Variants in MON1B observed in about 807,000 individuals in gnomAD.
MON1B encodes the protein MON1 vesicular trafficking associated B.
Under a neutral mutation model 45.1 loss-of-function variants are expected in MON1B, and 26 were observed. That is an observed-to-expected ratio of 0.58 (90% CI 0.42 to 0.80). MON1B has a LOEUF of 0.80. Among genes scored for constraint, MON1B ranks in the 30% least tolerant of loss-of-function variants. The pLI is 0.00. For synonymous variants in MON1B, 395 were observed against 320.2 expected (o/e 1.23, Z -2.49); for missense variants, 737 against 754.5 (o/e 0.98, Z 0.27).
chr16:77,191,693 G>C (rs1429071184), intron 2 of MON1B, 60 bp downstream of exon 2: 5 of 1,553,176 alleles, frequency 3.2e-6, no homozygotes, highest in Non-Finnish European at 4.4e-6. Context: ...TTGTTGGACG[G>C]GGGAAGGGTC....
Position 77,200,291 on chromosome 16 carries a change from T to TATATATATATATACACAC in MON1B, c.*1984_*1985insTATATATATATACACACA. 3.6e-5 allele frequency: 4 copies of TATATATATATATACACAC among 111,428 alleles called. No individual in the cohort carries two copies. Among genetic ancestry groups the TATATATATATATACACAC allele is most frequent in the African/African-American group, 1.3e-4 (4 of 29,726 alleles). The allele number at this position is 111,428 out of a possible 1,614,324, so 6.9% of individuals were successfully genotyped here. ...ATATATGTGTATATATATATATATA[T>TATATATATATATACACAC]ACACACACTAATCAGCCGGGCGCGG... On this transcript the variant is annotated 3_prime_UTR_variant, in exon 6 of 6. Transcript: ENST00000248248.
Position 77,199,329 on chromosome 16 carries a change from T to C in MON1B, c.*1021T>C. On this transcript the variant is annotated 3_prime_UTR_variant, in exon 6 of 6. Transcript: ENST00000248248. ...TCTGCGCCTGCCCAGAGCTGACTCC[T>C]GATTTAACCGCTGGCGTAACCGCGG... 1.1e-6 allele frequency: 1 copy of C among 931,992 alleles called. No individual in the cohort carries two copies. The highest frequency in any genetic ancestry group is 1.6e-6 in the Non-Finnish European group (1 of 609,296). 57.7% of individuals were successfully genotyped at this position (931,992 alleles called of 1,614,324 possible). A position where few individuals can be genotyped will look rare whatever the true frequency, so the allele number is the denominator to read the frequency against.
In MON1B at chr16:77,194,202, G is replaced by A. The variant is rs553417325; in HGVS notation, c.476-133G>A. On this transcript the variant is annotated intron_variant, in intron 3 of 5. Transcript: ENST00000248248. The surrounding 1 kb of genome is among the most constrained non-coding windows in gnomAD (Gnocchi z 8.1). ...TCCAGCTTGTCCTTACCCCAGTCCA[G>A]GTGCCCACAGAGTGAGCATGTGGAC... 448 of 815,986 alleles carry A rather than the reference G, an allele frequency of 5.5e-4. No homozygotes were observed. The highest frequency in any genetic ancestry group is 8.3e-4 in the Non-Finnish European group (394 of 475,954). The allele number at this position is 815,986 out of a possible 1,614,324, so 50.5% of individuals were successfully genotyped here.
chr16:77,197,535 T>A (rs1213264368), intron 5 of MON1B, among the ~76,000 whole-genome samples: 1 of 151,624 alleles, frequency 6.6e-6, no homozygotes, highest in Non-Finnish European at 1.5e-5. Context: ...GGAGGAAGAG[T>A]ACACCTGGCA....
intron 5 of MON1B, among the ~76,000 whole-genome samples, chr16:77,197,739 A>G (rs975144296): frequency 6.6e-6 from 1 of 152,170 alleles, no homozygotes; most frequent in Admixed American, 6.5e-5. Context: ...GTTCCTCTTT[A>G]TATTATTCCC....
intron 5 of MON1B, among the ~76,000 whole-genome samples, chr16:77,196,748 C>T (rs571885848): frequency 5.2e-4 from 79 of 152,304 alleles, no homozygotes; most frequent in African/African-American, 1.7e-3. Context: ...TGCACTCCAG[C>T]CTGGGCGACA....
rs2054689438 is a variant in MON1B, at chr16:77,198,365, T to C, written c.*57T>C. 6 of 1,539,876 alleles carry C rather than the reference T, an allele frequency of 3.9e-6. No homozygotes were observed. The highest frequency in any genetic ancestry group is 5.4e-6 in the Non-Finnish European group (6 of 1,113,864). On this transcript the variant is annotated 3_prime_UTR_variant, in exon 6 of 6. Transcript: ENST00000248248. The stretch of plus-strand genomic sequence containing the variant: ...GAGCAACCACCTTTGTTTTTTACCT[T>C]CTGTCTACCCTGGAAATGTGTGTGG...
In MON1B at chr16:77,201,843, A is replaced by T. The variant is rs181193867; in HGVS notation, c.*3535A>T. 6.6e-6 allele frequency: 1 copy of T among 152,340 alleles called. No individual in the cohort carries two copies. The highest frequency in any genetic ancestry group is 1.9e-4 in the East Asian group (1 of 5,182). The allele number at this position is 152,340 out of a possible 1,614,324, so 9.4% of individuals were successfully genotyped here. A position where few individuals can be genotyped will look rare whatever the true frequency, so the allele number is the denominator to read the frequency against. On this transcript the variant is annotated 3_prime_UTR_variant, in exon 6 of 6. Transcript: ENST00000248248. Reference sequence around the variant, plus strand: ...AATTAAATTATAAGTTGATAGGATTATTATTGACACACAAGGAGCTCCAAA... The same window carrying T: ...AATTAAATTATAAGTTGATAGGATTTTTATTGACACACAAGGAGCTCCAAA...
Position 77,198,635 on chromosome 16 carries a change from C to T in MON1B, c.*327C>T, listed in dbSNP as rs1035597542. The T allele has an allele frequency of 5.2e-5, 19 of 363,172 alleles. No individual in the cohort carries two copies. The highest frequency in any genetic ancestry group is 9.8e-5 in the Non-Finnish European group (19 of 192,918). 22.5% of individuals were successfully genotyped at this position (363,172 alleles called of 1,614,324 possible). A position where few individuals can be genotyped will look rare whatever the true frequency, so the allele number is the denominator to read the frequency against. On this transcript the variant is annotated 3_prime_UTR_variant, in exon 6 of 6. Transcript: ENST00000248248. ...CTCCAAACTTGCTTCCGTGGTCTGC[C>T]TCCTAGTTGAATCTCAGCCCTGAGT...
Position 77,193,796 on chromosome 16 carries a change from G to C in MON1B, c.475+19G>C, listed in dbSNP as rs755480847. On this transcript the variant is annotated intron_variant, in intron 3 of 5. Transcript: ENST00000248248. This position sits in a 1 kb window ranked among gnomAD's most constrained non-coding sequence, Gnocchi z 5.0. ...TACGCTGGTGAGCAAACAGGTGGGAGGCAGAATGGGGGACAGTGACTGGGA... is the reference window on the plus strand; with the variant it reads ...TACGCTGGTGAGCAAACAGGTGGGACGCAGAATGGGGGACAGTGACTGGGA... 2.5e-6 allele frequency: 4 copies of C among 1,594,256 alleles called. 1 individual carries two copies. The highest frequency in any genetic ancestry group is 1.7e-5 in the Admixed American group (1 of 59,364).
At position 77,193,052 on chromosome 16, in the gene MON1B, T is replaced by A. The variant is rs752938212; in HGVS notation, c.149-399T>A. On this transcript the variant is annotated intron_variant, in intron 2 of 5. Transcript: ENST00000248248. The surrounding 1 kb of genome is among the most constrained non-coding windows in gnomAD (Gnocchi z 5.0). ...TAATGGTGGCCATTGGGTGAGCAGA[T>A]ATCAGGAGAAAAAATAGCGGTCAGA... is the stretch of plus-strand genomic sequence containing the variant. 3.3e-5 allele frequency among the ~76,000 whole-genome samples: 5 copies of A among 151,870 alleles called. No individual in the cohort carries two copies. Among genetic ancestry groups the A allele is most frequent in the Admixed American group, 6.5e-5 (1 of 15,268 alleles).
chr16:77,198,497 C>G lies in MON1B; in HGVS notation c.*189C>G. On this transcript the variant is annotated 3_prime_UTR_variant, in exon 6 of 6. Coordinates refer to ENST00000248248, the MANE Select transcript of MON1B (RefSeq NM_014940.4). ...CCGCCAGGCGAGCAGGCTGCTTTCCCTGCCCAGTCATGCACCTCCCCCTCT... is the reference window on the plus strand; with the variant it reads ...CCGCCAGGCGAGCAGGCTGCTTTCCGTGCCCAGTCATGCACCTCCCCCTCT... 3.1e-6 allele frequency: 2 copies of G among 641,342 alleles called. No homozygotes were observed. The highest frequency in any genetic ancestry group is 5.4e-6 in the Non-Finnish European group (2 of 371,938). The allele number at this position is 641,342 out of a possible 1,614,324, so 39.7% of individuals were successfully genotyped here.
Position 77,193,340 on chromosome 16 carries a change from C to A in MON1B, c.149-111C>A, listed in dbSNP as rs545762004. 2.9e-5 allele frequency: 31 copies of A among 1,056,174 alleles called. No individual in the cohort carries two copies. In the South Asian group the frequency reaches 4.9e-4, roughly 17 times the overall value. 65.4% of individuals were successfully genotyped at this position (1,056,174 alleles called of 1,614,324 possible). A position where few individuals can be genotyped will look rare whatever the true frequency, so the allele number is the denominator to read the frequency against. On this transcript the variant is annotated intron_variant, in intron 2 of 5. Transcript: ENST00000248248. This position sits in a 1 kb window ranked among gnomAD's most constrained non-coding sequence, Gnocchi z 5.0. ...GGCATAGGAGACACTTGGAGTTCTG[C>A]GTCAGCATGCAGGGGTCATGGAGGG...
intron 5 of MON1B, among the ~76,000 whole-genome samples, chr16:77,197,473 G>C (rs922709438): frequency 6.6e-5 from 10 of 152,180 alleles, no homozygotes; most frequent in Non-Finnish European, 1.2e-4. Context: ...TGGCCTCCCT[G>C]AGCAGATGGC....
chr16:77,194,983 A>G lies in MON1B; in HGVS notation c.1124A>G (p.His375Arg). The G allele has an allele frequency of 1.2e-6, 2 of 1,613,912 alleles. No homozygotes were observed. Among genetic ancestry groups the G allele is most frequent in the African/African-American group, 1.3e-5 (1 of 75,070 alleles). Reference protein sequence around the residue: ...ACRRLVEDGMHALGAMRALGE... With the variant: ...ACRRLVEDGMRALGAMRALGE... ...CGGCGCCTGGTTGAAGATGGGATGCATGCCCTTGGTGCCATGCGTGCCCTT... is the reference window on the plus strand; with the variant it reads ...CGGCGCCTGGTTGAAGATGGGATGCGTGCCCTTGGTGCCATGCGTGCCCTT... The change falls in exon 4 of 6, where the codon CAT becomes CGT. Residue 375 changes from histidine to arginine, a missense_variant. Physicochemically the swap from His to Arg is conservative, Grantham distance 29 (BLOSUM62 0). Coordinates refer to ENST00000248248, the MANE Select transcript of MON1B (RefSeq NM_014940.4). The surrounding 1 kb of genome is among the most constrained non-coding windows in gnomAD (Gnocchi z 8.1).
rs1052890723 is a variant in MON1B at position 77,198,252 on chromosome 16, C to T, written c.1588C>T (p.Pro530Ser). 1.9e-6 allele frequency: 3 copies of T among 1,614,090 alleles called. No individual in the cohort carries two copies. The highest frequency in any genetic ancestry group is 2.5e-6 in the Non-Finnish European group (3 of 1,180,050). ...TCGTTACCCACCCAAGTACTCCACA[C>T]CACCAGCCACCTCTACGGACCAAGC... ...FIRYPPKYST[P>S]PATSTDQAAH... is the part of the protein sequence containing the mutation. Residue 530 changes from proline (P) to serine (S), a missense_variant, in exon 6 of 6, where the codon CCA (proline) becomes TCA (serine). Physicochemically the swap from Pro to Ser is moderately conservative, Grantham distance 74 (BLOSUM62 -1). Coordinates refer to ENST00000248248, the MANE Select transcript of MON1B (RefSeq NM_014940.4).
chr16:77,192,064 CAG>C (rs1422261649), intron 2 of MON1B, among the ~76,000 whole-genome samples: 2 of 152,104 alleles, frequency 1.3e-5, no homozygotes, highest in Non-Finnish European at 2.9e-5. Context: ...GATGGGCACT[CAG>C]AGTATTTACA....
chr16:77,195,775 A>G (rs1055369869), intron 5 of MON1B, 93 bp downstream of exon 5: 1 of 1,473,066 alleles, frequency 6.8e-7, no homozygotes, highest in Non-Finnish European at 9.3e-7. Flanking sequence ...CCTCCACCAA[A>G]CACAGCAGGC....
In MON1B at chr16:77,198,438, T is replaced by G; in HGVS notation, c.*130T>G. ...TGTCTCCCTAAGCAATGGGGCAAGG[T>G]CTGAGGGCCCACCGATGAGAGAGAT... On this transcript the variant is annotated 3_prime_UTR_variant, in exon 6 of 6. Transcript: ENST00000248248. 9.8e-7 allele frequency: 1 copy of G among 1,022,690 alleles called. No individual in the cohort carries two copies. 63.4% of individuals were successfully genotyped at this position (1,022,690 alleles called of 1,614,324 possible).
Sources: allele counts gnomAD v4.1 joint callset (sites outside exome capture counted in the v4.1 genomes callset), GRCh38; gene constraint gnomAD v4.1.1; non-coding constraint Gnocchi (gnomAD v3.1); transcripts MANE v1.5; gene names NCBI Gene and HGNC (gene_info 2026-07-23, HGNC 2026-07-21).